The following MAML1 variants were observed in gnomAD, a reference collection of about 807,000 sequenced individuals.
MAML1 encodes the protein mastermind like transcriptional coactivator 1.
MAML1 carries 14 observed loss-of-function variants against 77.1 expected under a neutral mutation model. The observed-to-expected ratio is 0.18, with a 90% CI of 0.12 to 0.28. MAML1 has a LOEUF of 0.28. MAML1 is among the 10% of genes least tolerant of loss of function. MAML1 has a pLI of 1.00. For missense variants in MAML1, 1,217 were observed against 1,327.8 expected, an observed-to-expected ratio of 0.92 and a Z score of 1.30; for synonymous variants, 516 against 551.9, an observed-to-expected ratio of 0.93 and a Z score of 0.91.
chr5:179,733,959 A>G lies in MAML1; in HGVS notation c.315+532A>G, dbSNP rs114259456. 6.3e-3 allele frequency among the ~76,000 whole-genome samples: 958 copies of G among 152,356 alleles called. 10 individuals are homozygous for G. The highest frequency in any genetic ancestry group is 0.021 in the African/African-American group (886 of 41,580). Reference sequence around the variant, plus strand: ...TTTGGAAAACTTAGTAAAATGTTCAATGAGTTGCATATAAGTATTCCTTGT... The same window carrying G: ...TTTGGAAAACTTAGTAAAATGTTCAGTGAGTTGCATATAAGTATTCCTTGT... On this transcript the variant is annotated intron_variant, in intron 1 of 4. Coordinates refer to ENST00000292599, the MANE Select transcript of MAML1 (RefSeq NM_014757.5).
At chr5:179,758,609 T>TG (rs1265715087) in intron 1 of MAML1, among the ~76,000 whole-genome samples, 2 of 152,044 alleles carry the variant, frequency 1.3e-5, no homozygotes, top group Non-Finnish European at 2.9e-5. Flanking sequence ...AGGCTGGTCT[T>TG]GAACTCCTGG....
chr5:179,749,190 C>T (rs543736434), intron 1 of MAML1, among the ~76,000 whole-genome samples: 12 of 152,074 alleles, frequency 7.9e-5, no homozygotes, highest in East Asian at 1.9e-4. Flanking sequence ...TGCAATGGCG[C>T]GATCTCTGCT....
chr5:179,734,165 CAG>C (rs150077247), intron 1 of MAML1, among the ~76,000 whole-genome samples: 3,559 of 152,276 alleles, frequency 0.023, 74 homozygotes, highest in Non-Finnish European at 0.036. Context: ...CTTCCTGAAA[CAG>C]ATTTACAAAA....
At chr5:179,757,715 A>G (rs960712037) in intron 1 of MAML1, among the ~76,000 whole-genome samples, 6 of 152,198 alleles carry the variant, frequency 3.9e-5, no homozygotes, top group South Asian at 2.1e-4. Flanking sequence ...ATGTCTACCA[A>G]GCAACCTTCT....
intron 1 of MAML1, among the ~76,000 whole-genome samples, chr5:179,746,977 T>A (rs1779394573): frequency 1.3e-5 from 2 of 152,218 alleles, no homozygotes; most frequent in Non-Finnish European, 1.5e-5. Flanking sequence ...CGCCTACCCC[T>A]GAAACAGAGT....
Position 179,774,323 on chromosome 5 carries a change from G to A in MAML1, c.2497G>A (p.Gly833Arg), listed in dbSNP as rs888425261. 1.9e-6 allele frequency: 3 copies of A among 1,613,462 alleles called. No homozygotes were observed. In the African/African-American group the frequency reaches 4.0e-5, roughly 21 times the overall value. The change falls in exon 5 of 5, where the codon GGA becomes AGA. Residue 833 changes from glycine (G) to arginine (R), a missense_variant. Coordinates refer to ENST00000292599, the MANE Select transcript of MAML1 (RefSeq NM_014757.5). ...GGTCCCAAGGGTGTCACCAGCCATG[G>A]GAGGCCAGAATTCCTCCTGGCAGCA... ...PPVPRVSPAM[G>R]GQNSSWQHQG...
At chr5:179,742,775 C>CT (rs1779307529) in intron 1 of MAML1, among the ~76,000 whole-genome samples, 1 of 152,142 alleles carries the variant, frequency 6.6e-6, no homozygotes, top group African/African-American at 2.4e-5. Context: ...AATTGTACCA[C>CT]TGCACTCCAG....
In MAML1 at chr5:179,765,691, G is replaced by C. The variant is rs1258424906; in HGVS notation, c.681G>C (p.Met227Ile). The C allele has an allele frequency of 6.2e-7, 1 of 1,614,166 alleles. No homozygotes were observed. Among genetic ancestry groups the C allele is most frequent in the South Asian group, 1.1e-5 (1 of 91,082 alleles). ...AGCCTGTCGAAGACCTGCCTTGCAT[G>C]ATCACTGGGACTGTCGGCTCCATAT... ...KQEPVEDLPC[M>I]ITGTVGSISQ... is the part of the protein sequence containing the mutation. The change falls in exon 2 of 5, where the codon ATG (methionine) becomes ATC (isoleucine). Residue 227 changes from methionine to isoleucine, a missense_variant. Met to Ile is a conservative substitution (Grantham distance 10). This residue lies in a region of MAML1 where 312 missense variants were observed against 331.4 expected (regional missense o/e 0.94). Transcript: ENST00000292599.
At chr5:179,760,123 G>A (rs1562565654) in intron 1 of MAML1, among the ~76,000 whole-genome samples, 1 of 152,070 alleles carries the variant, frequency 6.6e-6, no homozygotes, top group Non-Finnish European at 1.5e-5. Context: ...GGGCTCAGTA[G>A]GTCTTCGGAT....
intron 1 of MAML1, among the ~76,000 whole-genome samples, chr5:179,755,985 C>T (rs112448184): frequency 0.021 from 3,143 of 150,858 alleles, 129 homozygotes; most frequent in African/African-American, 0.073. Flanking sequence ...AGGCTGGTCT[C>T]GAACTCCTGA....
chr5:179,765,132 G>T (rs894723894), intron 1 of MAML1, among the ~76,000 whole-genome samples, 194 bp from the exon 2 acceptor site: 3 of 151,998 alleles, frequency 2.0e-5, no homozygotes, highest in Non-Finnish European at 4.4e-5. Flanking sequence ...AAGCACTTTA[G>T]CTAGACATCA....
chr5:179,766,792 G>GTAACCTCACTGAAGT lies in MAML1; in HGVS notation c.1731+51_1731+52insTAACCTCACTGAAGT. The GTAACCTCACTGAAGT allele has an allele frequency of 7.0e-7, 1 of 1,422,208 alleles. No homozygotes were observed. Among genetic ancestry groups the GTAACCTCACTGAAGT allele is most frequent in the Non-Finnish European group, 9.4e-7 (1 of 1,060,646 alleles). The allele number at this position is 1,422,208 out of a possible 1,614,324, so 88.1% of individuals were successfully genotyped here. On this transcript the variant is annotated intron_variant, in intron 2 of 4. Coordinates refer to ENST00000292599, the MANE Select transcript of MAML1 (RefSeq NM_014757.5). This position sits in a 1 kb window ranked among gnomAD's most constrained non-coding sequence, Gnocchi z 4.0. The stretch of plus-strand genomic sequence containing the variant: ...TCCTCTGCTGCAGACACTTCAGTGA[G>GTAACCTCACTGAAGT]GTTACTCACTACTTTGGATGTTAAT...
rs1316371465 is a variant in MAML1 at position 179,733,039 on chromosome 5, G to A, written c.-74G>A. On this transcript the variant is annotated 5_prime_UTR_variant, in exon 1 of 5. Transcript: ENST00000292599. ...CCGTGAGGCGGAGAGGGGTAGCCGC[G>A]GGGAGCGAAGCCCGCAGTGCCAGCC... is the stretch of plus-strand genomic sequence containing the variant. 31 of 951,576 alleles carry A rather than the reference G, an allele frequency of 3.3e-5. No homozygotes were observed. The highest frequency in any genetic ancestry group is 3.9e-5 in the Non-Finnish European group (29 of 736,950). 58.9% of individuals were successfully genotyped at this position (951,576 alleles called of 1,614,324 possible). A position where few individuals can be genotyped will look rare whatever the true frequency, so the allele number is the denominator to read the frequency against.
intron 2 of MAML1, among the ~76,000 whole-genome samples, chr5:179,767,219 A>G (rs1052268935): frequency 2.0e-5 from 3 of 149,076 alleles, no homozygotes; most frequent in Admixed American, 1.4e-4. Context: ...CTCTGTGCTT[A>G]CTTCATCATG....
Position 179,742,539 on chromosome 5 carries a change from ACAC to A in MAML1, c.315+9115_315+9117del, listed in dbSNP as rs978326886. Among the ~76,000 whole-genome samples, 15 of 151,482 alleles carry A rather than the reference ACAC, an allele frequency of 9.9e-5. 1 individual carries two copies. The highest frequency in any genetic ancestry group is 1.6e-4 in the Non-Finnish European group (11 of 67,948). ...ACATTTTTGCCACATTCAGTGTCTG[ACAC>A]CAGTAATCCCAGCATTTTGAGAGGC... On this transcript the variant is annotated intron_variant, in intron 1 of 4. Transcript: ENST00000292599.
rs368882450 is a variant in MAML1 at position 179,771,330 on chromosome 5, C to T, written c.2068+87C>T. The stretch of plus-strand genomic sequence containing the variant: ...CCCTGCTGTCTGCCCAGCTCTATGC[C>T]TTGACTTCATCAGGCTGCATGCATT... On this transcript the variant is annotated intron_variant, in intron 4 of 4. Coordinates refer to ENST00000292599, the MANE Select transcript of MAML1 (RefSeq NM_014757.5). This position sits in a 1 kb window ranked among gnomAD's most constrained non-coding sequence, Gnocchi z 4.7. 8.5e-7 allele frequency: 1 copy of T among 1,170,412 alleles called. No homozygotes were observed. Among genetic ancestry groups the T allele is most frequent in the Non-Finnish European group, 1.3e-6 (1 of 784,600 alleles). The allele number at this position is 1,170,412 out of a possible 1,614,324, so 72.5% of individuals were successfully genotyped here.
chr5:179,736,202 G>A (rs1249650242), intron 1 of MAML1, among the ~76,000 whole-genome samples: 1 of 152,182 alleles, frequency 6.6e-6, no homozygotes, highest in Non-Finnish European at 1.5e-5. Context: ...GCAAGTTGAT[G>A]TAACTTCATG....
chr5:179,740,609 A>G (rs1341717948), intron 1 of MAML1, among the ~76,000 whole-genome samples: 1 of 151,982 alleles, frequency 6.6e-6, no homozygotes, highest in African/African-American at 2.4e-5. Context: ...TTCTGGTGCT[A>G]GGTGGAGGAT....
chr5:179,756,847 C>T (rs529559697), intron 1 of MAML1, among the ~76,000 whole-genome samples: 6 of 152,148 alleles, frequency 3.9e-5, no homozygotes, highest in African/African-American at 1.2e-4. Context: ...GCCTGGTCAT[C>T]GGAGAGGACA....
Sources: gnomAD v4.1 joint callset for allele counts (sites outside exome capture counted in the v4.1 genomes callset) on GRCh38, gnomAD v4.1.1 for gene constraint, gnomAD v4.1.1 regional missense constraint, Gnocchi (gnomAD v3.1) non-coding constraint, MANE v1.5 for transcripts, NCBI Gene and HGNC (gene_info 2026-07-23, HGNC 2026-07-21) for gene names.